Variants in CPXM2 observed in about 807,000 individuals in gnomAD.
The protein encoded by CPXM2 is carboxypeptidase X, M14 family member 2.
A neutral mutation model predicts 86.1 loss-of-function variants in CPXM2; 66 were observed. The ratio of observed to expected loss-of-function variants is 0.77; its 90% CI spans 0.63 to 0.94. The LOEUF (loss-of-function observed/expected upper bound fraction) is 0.94. Ranked by LOEUF, CPXM2 falls within the 40% of genes least tolerant of loss-of-function variation. The pLI is 0.00. For missense variants in CPXM2, 948 were observed against 1,026.3 expected, an observed-to-expected ratio of 0.92 and a Z score of 1.04; for synonymous variants, 388 against 400.2, an observed-to-expected ratio of 0.97 and a Z score of 0.36.
intron 10 of CPXM2, among the ~76,000 whole-genome samples, chr10:123,764,175 T>A (rs1846416214): frequency 6.6e-6 from 1 of 152,184 alleles, no homozygotes; most frequent in African/African-American, 2.4e-5. Flanking sequence ...ATTTTCAACT[T>A]TCTCAGTTAT....
chr10:123,820,497 C>A (rs1019574561), intron 4 of CPXM2, among the ~76,000 whole-genome samples: 4 of 152,314 alleles, frequency 2.6e-5, no homozygotes, highest in African/African-American at 9.6e-5. Context: ...TTGTTTTGGC[C>A]TATGAAGGCC....
At chr10:123,825,567 A>C (rs1050652898) in intron 4 of CPXM2, among the ~76,000 whole-genome samples, 4 of 152,216 alleles carry the variant, frequency 2.6e-5, no homozygotes, top group Non-Finnish European at 5.9e-5. Flanking sequence ...CTGGCATCAC[A>C]GCACTTGAAC....
At chr10:123,797,946 C>A in intron 6 of CPXM2, 30 bp downstream of exon 6, 3 of 1,537,456 alleles carry the variant, frequency 2.0e-6, no homozygotes, top group Admixed American at 2.0e-5. Context: ...GTGCTCCCAC[C>A]CTGCAGGAAG....
intron 4 of CPXM2, among the ~76,000 whole-genome samples, chr10:123,833,761 G>A (rs2134137126): frequency 6.6e-6 from 1 of 152,342 alleles, no homozygotes; most frequent in East Asian, 1.9e-4. Flanking sequence ...CACAGAGCAA[G>A]TGAGAGCCAT....
At chr10:123,857,454 T>C (rs576837799) in intron 3 of CPXM2, among the ~76,000 whole-genome samples, 2 of 152,040 alleles carry the variant, frequency 1.3e-5, no homozygotes, top group East Asian at 1.9e-4. Context: ...AGGAGACACG[T>C]TGAGTTGCTC....
chr10:123,792,360 T>A (rs1847223980), intron 6 of CPXM2, among the ~76,000 whole-genome samples: 1 of 152,142 alleles, frequency 6.6e-6, no homozygotes, highest in Non-Finnish European at 1.5e-5. Context: ...AAACTTACAA[T>A]CAAAACAAGA....
chr10:123,853,137 C>T (rs946049787), intron 3 of CPXM2, among the ~76,000 whole-genome samples: 1 of 152,026 alleles, frequency 6.6e-6, no homozygotes, highest in Non-Finnish European at 1.5e-5. Flanking sequence ...GTGGCACCTC[C>T]CCAGTCTTTT....
chr10:123,778,119 CAA>C (rs1010786453), intron 7 of CPXM2, among the ~76,000 whole-genome samples: 1 of 151,982 alleles, frequency 6.6e-6, no homozygotes, highest in African/African-American at 2.4e-5. Flanking sequence ...GTGCTCTCTG[CAA>C]AAAAAGTCCC....
intron 2 of CPXM2, among the ~76,000 whole-genome samples, chr10:123,933,309 A>G (rs1275694121): frequency 6.6e-6 from 1 of 152,200 alleles, no homozygotes; most frequent in Non-Finnish European, 1.5e-5. Flanking sequence ...ATTTTGATTA[A>G]ATAAGACCCA....
intron 13 of CPXM2, chr10:123,752,640 A>G (rs1047092078): frequency 2.0e-6 from 2 of 984,644 alleles, no homozygotes; most frequent in African/African-American, 3.5e-5. Flanking sequence ...TCATGGGAAC[A>G]GTTTGCAGAG....
upstream of CPXM2, among the ~76,000 whole-genome samples, chr10:123,893,001 C>A (rs1194217074): frequency 1.3e-5 from 2 of 152,210 alleles, no homozygotes; most frequent in African/African-American, 4.8e-5. Flanking sequence ...AAATTCTGTG[C>A]TTTTAAGAGA....
At chr10:123,792,125 G>C (rs1847218827) in intron 6 of CPXM2, among the ~76,000 whole-genome samples, 1 of 152,190 alleles carries the variant, frequency 6.6e-6, no homozygotes, top group African/African-American at 2.4e-5. Context: ...AACAAAACCA[G>C]GACAGGGTTA....
At chr10:123,755,391 T>C (rs1034452006) in intron 12 of CPXM2, among the ~76,000 whole-genome samples, 1 of 152,136 alleles carries the variant, frequency 6.6e-6, no homozygotes, top group Non-Finnish European at 1.5e-5. Context: ...CTTAGAAAAA[T>C]AGGAGTCCTC....
chr10:123,943,080 G>A (rs934262332), upstream of CPXM2, among the ~76,000 whole-genome samples: 14 of 152,160 alleles, frequency 9.2e-5, no homozygotes, highest in Admixed American at 2.0e-4. Flanking sequence ...TTTAGTAAGC[G>A]AACTCTGATG....
intron 2 of CPXM2, among the ~76,000 whole-genome samples, chr10:123,902,513 T>G (rs963963576): frequency 6.6e-6 from 1 of 152,186 alleles, no homozygotes; most frequent in Admixed American, 6.5e-5. Context: ...TAAACAACAG[T>G]AATTCATTTC....
chr10:123,873,338 G>A (rs957010944), intron 2 of CPXM2, among the ~76,000 whole-genome samples: 10 of 152,168 alleles, frequency 6.6e-5, no homozygotes, highest in Admixed American at 1.3e-4. Flanking sequence ...GACCTCTAGC[G>A]ATAAATTTCT....
At chr10:123,774,244 G>C (rs1846726787) in intron 7 of CPXM2, among the ~76,000 whole-genome samples, 1 of 152,202 alleles carries the variant, frequency 6.6e-6, no homozygotes. Context: ...CCTTCTGAAA[G>C]CTGAGCTGGA....
intron 6 of CPXM2, among the ~76,000 whole-genome samples, chr10:123,790,077 C>A (rs1041895191): frequency 6.6e-6 from 1 of 151,948 alleles, no homozygotes; most frequent in Non-Finnish European, 1.5e-5. Flanking sequence ...AAGATCGCAC[C>A]ACTGCACTCC....
intron 10 of CPXM2, among the ~76,000 whole-genome samples, chr10:123,765,807 C>T (rs1224581532): frequency 5.3e-5 from 8 of 152,252 alleles, no homozygotes; most frequent in Non-Finnish European, 1.2e-4. Context: ...CCTGCTGCTC[C>T]TCCTCCAGTA....
Sources: gnomAD v4.1 joint callset for allele counts (sites outside exome capture counted in the v4.1 genomes callset) on GRCh38, gnomAD v4.1.1 for gene constraint, MANE v1.5 for transcripts, NCBI Gene and HGNC (gene_info 2026-07-23, HGNC 2026-07-21) for gene names.